The following CWC27 variants were observed in gnomAD, a reference collection of about 807,000 sequenced individuals.
CWC27 encodes the protein CWC27 spliceosome associated cyclophilin, also known as spliceosome-associated protein CWC27 homolog.
CWC27 carries 47 observed loss-of-function variants against 63.6 expected under a neutral mutation model. That is an observed-to-expected ratio of 0.74 (90% CI 0.58 to 0.94). The LOEUF is 0.94. Ranked by LOEUF, CWC27 falls within the 40% of genes least tolerant of loss-of-function variation. The probability of loss-of-function intolerance (pLI) is 0.00; values close to 1 mark genes in which losing one functional copy is unlikely to be tolerated. For synonymous variants in CWC27, 175 were observed against 179.8 expected (o/e 0.97, Z 0.22); for missense variants, 495 against 554.3 (o/e 0.89, Z 1.07).
intron 10 of CWC27, among the ~76,000 whole-genome samples, chr5:64,846,243 A>G (rs916097714): frequency 2.6e-5 from 4 of 152,260 alleles, no homozygotes; most frequent in African/African-American, 9.6e-5. Context: ...CCATATTCAG[A>G]AAACTGTAGG....
At chr5:64,804,612 C>G (rs1561414985) in intron 10 of CWC27, 1 of 415,560 alleles carries the variant, frequency 2.4e-6, no homozygotes, top group East Asian at 3.7e-5. Context: ...TTATTTCTCT[C>G]TGATCCTTTT....
chr5:64,978,854 C>T (rs1749279894), intron 13 of CWC27, among the ~76,000 whole-genome samples: 1 of 151,904 alleles, frequency 6.6e-6, no homozygotes. Context: ...TTTTATAAGC[C>T]ATTTAAGTCC....
chr5:64,803,369 G>C (rs1369025155), intron 9 of CWC27, among the ~76,000 whole-genome samples: 2 of 152,286 alleles, frequency 1.3e-5, no homozygotes, highest in Admixed American at 1.3e-4. Flanking sequence ...TGAAGATACA[G>C]CAGTAAGCAA....
chr5:64,807,965 C>CACTAAGG, intron 10 of CWC27: 1 of 1,419,458 alleles, frequency 7.0e-7, no homozygotes, highest in Middle Eastern at 2.6e-4. Context: ...AAACTACTTC[C>CACTAAGG]ACTAAGGCCA....
chr5:64,791,138 T>A (rs571652950), intron 7 of CWC27, among the ~76,000 whole-genome samples: 1 of 152,062 alleles, frequency 6.6e-6, no homozygotes, highest in Non-Finnish European at 1.5e-5. Context: ...ATAGTTAGGT[T>A]GAGCAGCCTT....
At chr5:65,012,479 G>A (rs867913558) in intron 13 of CWC27, among the ~76,000 whole-genome samples, 63 of 152,128 alleles carry the variant, frequency 4.1e-4, no homozygotes, top group African/African-American at 1.2e-3. Flanking sequence ...CAAACTCTGC[G>A]TTTACCACAT....
intron 7 of CWC27, among the ~76,000 whole-genome samples, chr5:64,799,041 T>C (rs959406348): frequency 2.6e-5 from 4 of 152,158 alleles, no homozygotes; most frequent in Non-Finnish European, 5.9e-5. Context: ...TCTGGGCCCA[T>C]AGGGGCCTAG....
chr5:64,848,816 G>A (rs1257119547), intron 10 of CWC27, among the ~76,000 whole-genome samples: 1 of 152,066 alleles, frequency 6.6e-6, no homozygotes, highest in Non-Finnish European at 1.5e-5. Context: ...CACCAAATTA[G>A]GTATAGAAGG....
chr5:64,880,581 G>A (rs902035944), intron 10 of CWC27, among the ~76,000 whole-genome samples: 18 of 151,828 alleles, frequency 1.2e-4, no homozygotes, highest in African/African-American at 4.1e-4. Flanking sequence ...TCCAGAAATT[G>A]CTAAATGAAT....
intron 10 of CWC27, among the ~76,000 whole-genome samples, chr5:64,872,029 T>C (rs1746687120): frequency 6.6e-6 from 1 of 152,136 alleles, no homozygotes; most frequent in Non-Finnish European, 1.5e-5. Context: ...GTTGTTATTA[T>C]CAGGAAGGCC....
chr5:64,970,086 T>G (rs17808841), intron 11 of CWC27, among the ~76,000 whole-genome samples: 4,289 of 152,228 alleles, frequency 0.028, 85 homozygotes, highest in Middle Eastern at 0.078. Flanking sequence ...AACTGCCTCA[T>G]GTAGGGATCC....
At chr5:64,840,803 G>C (rs1425634191) in intron 10 of CWC27, among the ~76,000 whole-genome samples, 1 of 152,116 alleles carries the variant, frequency 6.6e-6, no homozygotes, top group Non-Finnish European at 1.5e-5. Context: ...CTGGAAATCA[G>C]TTTTGAGGCC....
chr5:64,919,578 T>C (rs1747957988), intron 11 of CWC27, among the ~76,000 whole-genome samples: 1 of 152,184 alleles, frequency 6.6e-6, no homozygotes, highest in Admixed American at 6.6e-5. Context: ...TCAGTGTCTA[T>C]CTTCCACTTA....
At chr5:64,852,049 G>A (rs982246103) in intron 10 of CWC27, among the ~76,000 whole-genome samples, 1 of 152,150 alleles carries the variant, frequency 6.6e-6, no homozygotes, top group African/African-American at 2.4e-5. Flanking sequence ...TGGAGAGCAT[G>A]ATATTGTTAC....
chr5:64,920,269 G>C (rs541787308), intron 11 of CWC27, among the ~76,000 whole-genome samples: 42 of 152,088 alleles, frequency 2.8e-4, no homozygotes, highest in African/African-American at 1.0e-3. Flanking sequence ...ACACCCACCC[G>C]TCATTTATTG....
At chr5:64,834,981 T>G (rs1433611875) in intron 10 of CWC27, among the ~76,000 whole-genome samples, 1 of 151,802 alleles carries the variant, frequency 6.6e-6, no homozygotes, top group African/African-American at 2.4e-5. Flanking sequence ...TATAGAAACC[T>G]CTTACATAGT....
chr5:64,882,585 AGTTGTT>A (rs529962877), intron 10 of CWC27, among the ~76,000 whole-genome samples: 21 of 151,826 alleles, frequency 1.4e-4, no homozygotes, highest in South Asian at 2.1e-4. Flanking sequence ...GTTTCCTTTT[AGTTGTT>A]GTTGTTGTTG....
At chr5:64,820,466 G>A (rs1486625095) in intron 10 of CWC27, among the ~76,000 whole-genome samples, 1 of 152,026 alleles carries the variant, frequency 6.6e-6, no homozygotes, top group Non-Finnish European at 1.5e-5. Context: ...TACAGAGTAT[G>A]ATACCTTGAA....
chr5:64,816,633 A>G (rs1478954054), intron 10 of CWC27, among the ~76,000 whole-genome samples: 1 of 152,126 alleles, frequency 6.6e-6, no homozygotes, highest in Non-Finnish European at 1.5e-5. Context: ...TGCAGCTTGA[A>G]ATGCCTACCT....
Sources: gnomAD v4.1 joint callset for allele counts (sites outside exome capture counted in the v4.1 genomes callset) on GRCh38, gnomAD v4.1.1 for gene constraint, MANE v1.5 for transcripts, NCBI Gene and HGNC (gene_info 2026-07-23, HGNC 2026-07-21) for gene names.